The following VPS53 variants were observed in gnomAD, a reference collection of about 807,000 sequenced individuals.
The protein encoded by VPS53 is vacuolar protein sorting-associated protein 53 homolog.
A neutral mutation model predicts 107.0 loss-of-function variants in VPS53; 70 were observed. The ratio of observed to expected loss-of-function variants is 0.65; its 90% CI spans 0.54 to 0.80. The LOEUF (loss-of-function observed/expected upper bound fraction) is 0.80, where lower values mean the gene tolerates loss of function less well. Ranked by LOEUF, VPS53 falls within the 30% of genes least tolerant of loss-of-function variation. The pLI, the probability that VPS53 is intolerant of heterozygous loss-of-function variation, is 0.00. For missense variants in VPS53, 917 were observed against 1,049.4 expected (o/e 0.87, Z 1.74); for synonymous variants, 409 against 393.3 (o/e 1.04, Z -0.47).
At chr17:706,460 C>T (rs1462177509) in intron 2 of VPS53, among the ~76,000 whole-genome samples, 1 of 151,402 alleles carries the variant, frequency 6.6e-6, no homozygotes, top group African/African-American at 2.4e-5. Context: ...TCGCTTGAAC[C>T]CAGGAGTTGG....
chr17:703,560 T>C (rs969102831), intron 2 of VPS53, among the ~76,000 whole-genome samples: 1 of 152,182 alleles, frequency 6.6e-6, no homozygotes, highest in African/African-American at 2.4e-5. Context: ...TTATCCTGCT[T>C]TGAGAATCAC....
In VPS53 at chr17:564,541, G is replaced by GAA. The variant is rs34603655; in HGVS notation, c.1314-1798_1314-1797dup. ...GGCAACAAAGTGAGACTCTGTCTCA[G>GAA]AAAAAAAAAAAAAAAAAAAATTAGC... On this transcript the variant is annotated intron_variant, in intron 13 of 21. Coordinates refer to ENST00000437048, the MANE Select transcript of VPS53 (RefSeq NM_001128159.3). Among the ~76,000 whole-genome samples the GAA allele has an allele frequency of 3.0e-3, 287 of 96,948 alleles. 3 individuals are homozygous for GAA. The highest frequency in any genetic ancestry group is 0.021 in the Middle Eastern group (4 of 188). The allele number at this position is 96,948 out of a possible 152,430, so 63.6% of individuals were successfully genotyped here.
At chr17:608,712 C>T (rs1968701866) in intron 11 of VPS53, among the ~76,000 whole-genome samples, 1 of 151,202 alleles carries the variant, frequency 6.6e-6, no homozygotes, top group Admixed American at 6.6e-5. Flanking sequence ...AACTCCTGGA[C>T]TTAGGTGACC....
At position 517,323 on chromosome 17, in the gene VPS53, C is replaced by T. The variant is rs184839012; in HGVS notation, c.*1805G>A. The T allele has an allele frequency of 1.1e-3, 436 of 396,894 alleles. No individual in the cohort carries two copies. Among genetic ancestry groups the T allele is most frequent in the Admixed American group, 3.9e-3 (88 of 22,674 alleles). 24.6% of individuals were successfully genotyped at this position (396,894 alleles called of 1,614,324 possible). On this transcript the variant is annotated 3_prime_UTR_variant, in exon 22 of 22. Coordinates refer to ENST00000437048, the MANE Select transcript of VPS53 (RefSeq NM_001128159.3). Reference sequence around the variant, plus strand: ...CCAGCTAGCAAGGACAGCCTGGAAGCCGATGAAGAAATGACACTCAGGATC... The same window carrying T: ...CCAGCTAGCAAGGACAGCCTGGAAGTCGATGAAGAAATGACACTCAGGATC...
chr17:519,044 C>A lies in VPS53; in HGVS notation c.*84G>T. ...TTTGAAGACCGACGATGTGAGAGTG[C>A]CGGGGAGCACAGGAGAGGTTGGGGG... is the stretch of plus-strand genomic sequence containing the variant. On this transcript the variant is annotated 3_prime_UTR_variant, in exon 22 of 22. Transcript: ENST00000437048. The surrounding 1 kb of genome is among the most constrained non-coding windows in gnomAD (Gnocchi z 5.0). The A allele has an allele frequency of 7.2e-7, 1 of 1,386,206 alleles. No homozygotes were observed. The highest frequency in any genetic ancestry group is 3.1e-5 in the Admixed American group (1 of 32,570). The allele number at this position is 1,386,206 out of a possible 1,614,324, so 85.9% of individuals were successfully genotyped here.
At chr17:535,012 C>T (rs1345144314) in intron 18 of VPS53, among the ~76,000 whole-genome samples, 10 of 151,964 alleles carry the variant, frequency 6.6e-5, no homozygotes, top group South Asian at 2.1e-4. Context: ...ACCTGACACA[C>T]GTCCTGTGGG....
chr17:663,930 C>G (rs1009907261), intron 4 of VPS53, among the ~76,000 whole-genome samples: 5 of 152,072 alleles, frequency 3.3e-5, no homozygotes, highest in African/African-American at 1.2e-4. Flanking sequence ...AAGATAATTC[C>G]TAAGTGTGGT....
intron 14 of VPS53, 102 bp downstream of exon 14, chr17:562,401 A>T (rs1478218307): frequency 1.3e-6 from 2 of 1,514,762 alleles, no homozygotes; most frequent in East Asian, 4.5e-5. Flanking sequence ...TTCCTCCTTG[A>T]TACTCTTGGT....
chr17:579,114 A>G (rs1194599383), intron 13 of VPS53, among the ~76,000 whole-genome samples: 2 of 151,124 alleles, frequency 1.3e-5, no homozygotes, highest in East Asian at 3.9e-4. Context: ...ATGCGGTCCC[A>G]GAGAACATCC....
At chr17:707,596 C>A (rs866326667) in intron 2 of VPS53, among the ~76,000 whole-genome samples, 1 of 151,280 alleles carries the variant, frequency 6.6e-6, no homozygotes, top group South Asian at 2.1e-4. Context: ...TGCCTGTAAT[C>A]CCAACATTTT....
chr17:582,715 A>G (rs562816269), intron 13 of VPS53, among the ~76,000 whole-genome samples: 10 of 141,558 alleles, frequency 7.1e-5, no homozygotes, highest in Middle Eastern at 3.7e-3. Flanking sequence ...ATGCGTTCCG[A>G]GATAACCTCC....
intron 5 of VPS53, among the ~76,000 whole-genome samples, chr17:658,378 T>G (rs1384833347): frequency 3.5e-5 from 4 of 114,826 alleles, no homozygotes; most frequent in South Asian, 3.1e-4. Context: ...AACTCGGCCG[T>G]GAGTTCGTGG....
chr17:571,044 C>T (rs996750706), intron 13 of VPS53, among the ~76,000 whole-genome samples: 1 of 152,064 alleles, frequency 6.6e-6, no homozygotes, highest in African/African-American at 2.4e-5. Context: ...ACAGGTTGGG[C>T]ACAGTGGTTC....
chr17:528,138 G>A (rs1909259046), intron 19 of VPS53, among the ~76,000 whole-genome samples: 1 of 152,168 alleles, frequency 6.6e-6, no homozygotes, highest in South Asian at 2.1e-4. Flanking sequence ...TTTTGGAAGT[G>A]TACAATTCAG....
At chr17:546,129 G>A (rs2151828828) in intron 17 of VPS53, among the ~76,000 whole-genome samples, 1 of 152,282 alleles carries the variant, frequency 6.6e-6, no homozygotes, top group Non-Finnish European at 1.5e-5. Flanking sequence ...AACAAATAGT[G>A]CTGGGAAAGC....
At chr17:683,224 T>C (rs557285072) in intron 4 of VPS53, among the ~76,000 whole-genome samples, 6 of 152,064 alleles carry the variant, frequency 3.9e-5, no homozygotes, top group Admixed American at 3.3e-4. Context: ...ACAGAAACAT[T>C]TGAAGAGATA....
chr17:640,376 A>G (rs943707929), intron 7 of VPS53, among the ~76,000 whole-genome samples: 2 of 152,074 alleles, frequency 1.3e-5, no homozygotes, highest in Admixed American at 6.6e-5. Context: ...GCCCTGCTTC[A>G]GCTCATGTTT....
chr17:533,029 G>A lies in VPS53; in HGVS notation c.2016-118C>T, dbSNP rs560664609. 5 of 1,454,932 alleles carry A rather than the reference G, an allele frequency of 3.4e-6. No homozygotes were observed. In the African/African-American group the frequency reaches 5.7e-5, roughly 17 times the overall value. The allele number at this position is 1,454,932 out of a possible 1,614,324, so 90.1% of individuals were successfully genotyped here. A position where few individuals can be genotyped will look rare whatever the true frequency, so the allele number is the denominator to read the frequency against. On this transcript the variant is annotated intron_variant, in intron 18 of 21. Coordinates refer to ENST00000437048, the MANE Select transcript of VPS53 (RefSeq NM_001128159.3). ...ACCTTTTTTAATGAAGAATCGAAGT[G>A]GACTCCACTGTTGCCCATTATCTTA...
At chr17:663,814 C>T (rs921013415) in intron 4 of VPS53, among the ~76,000 whole-genome samples, 7 of 152,074 alleles carry the variant, frequency 4.6e-5, no homozygotes, top group African/African-American at 1.7e-4. Context: ...ATTGGGAATC[C>T]AATGGTAAAC....
Sources: gnomAD v4.1 joint callset for allele counts (sites outside exome capture counted in the v4.1 genomes callset) on GRCh38, gnomAD v4.1.1 for gene constraint, Gnocchi (gnomAD v3.1) non-coding constraint, MANE v1.5 for transcripts, NCBI Gene and HGNC (gene_info 2026-07-23, HGNC 2026-07-21) for gene names.